The following TRAP1 variants were observed in gnomAD, a reference collection of about 807,000 sequenced individuals.
TRAP1 encodes heat shock protein 75 kDa, mitochondrial.
A neutral mutation model predicts 89.1 loss-of-function variants in TRAP1; 102 were observed. The observed-to-expected ratio is 1.15, with a 90% CI of 0.98 to 1.35. TRAP1 has a LOEUF of 1.35. Among genes scored for constraint, TRAP1 ranks in the 40% most tolerant of loss-of-function variants. TRAP1 has a pLI of 0.00. For missense variants in TRAP1, 1,256 were observed against 945.3 expected (o/e 1.33, Z -4.31); for synonymous variants, 508 against 388.0 (o/e 1.31, Z -3.64).
intron 9 of TRAP1, among the ~76,000 whole-genome samples, chr16:3,673,469 C>G (rs913967805): frequency 6.6e-6 from 1 of 152,248 alleles, no homozygotes; most frequent in Non-Finnish European, 1.5e-5. Flanking sequence ...ACCCACACCT[C>G]ATCACGGGAT....
intron 1 of TRAP1, among the ~76,000 whole-genome samples, chr16:3,709,250 A>G (rs2051494284): frequency 6.6e-6 from 1 of 151,936 alleles, no homozygotes; most frequent in African/African-American, 2.4e-5. Flanking sequence ...AAAAAAAAGA[A>G]AAAGGCCATT....
chr16:3,685,006 C>G (rs1275299135), intron 4 of TRAP1, among the ~76,000 whole-genome samples: 7 of 152,192 alleles, frequency 4.6e-5, no homozygotes, highest in African/African-American at 1.4e-4. Flanking sequence ...GAAGTACTGG[C>G]ACATGAGGAC....
chr16:3,713,513 C>A (rs2051559136), intron 1 of TRAP1, among the ~76,000 whole-genome samples: 1 of 152,220 alleles, frequency 6.6e-6, no homozygotes, highest in African/African-American at 2.4e-5. Context: ...CTCCAGCTTA[C>A]AGAGAACAAA....
intron 4 of TRAP1, among the ~76,000 whole-genome samples, chr16:3,684,508 T>C (rs1431559930): frequency 6.6e-6 from 1 of 152,114 alleles, no homozygotes; most frequent in African/African-American, 2.4e-5. Flanking sequence ...TTGTAATAAA[T>C]GGGCTGGGTA....
chr16:3,670,382 CAAAAAAAA>C (rs760902038), intron 11 of TRAP1, among the ~76,000 whole-genome samples: 37 of 22,842 alleles, frequency 1.6e-3, no homozygotes, highest in South Asian at 3.2e-3. Context: ...GACTCCGTCT[CAAAAAAAA>C]AAAAAAAAAA....
chr16:3,716,863 T>C (rs2051603947), intron 1 of TRAP1, among the ~76,000 whole-genome samples: 1 of 152,198 alleles, frequency 6.6e-6, no homozygotes, highest in Admixed American at 6.5e-5. Context: ...GGGACCCGGA[T>C]GACTGCTATA....
chr16:3,676,302 C>T, intron 6 of TRAP1, 157 bp from the exon 7 acceptor site: 1 of 473,518 alleles, frequency 2.1e-6, no homozygotes, highest in Non-Finnish European at 3.7e-6. Flanking sequence ...ACCACTCAGG[C>T]CATCACATGC....
intron 4 of TRAP1, among the ~76,000 whole-genome samples, chr16:3,680,861 G>C (rs1169858361): frequency 1.3e-5 from 2 of 152,182 alleles, no homozygotes; most frequent in Non-Finnish European, 2.9e-5. Flanking sequence ...TGAGTCAAAG[G>C]GCCCTCGCCA....
rs774787607 is a variant in TRAP1, at chr16:3,658,813, C to G, written c.1993G>C (p.Ala665Pro). The change falls in exon 17 of 18, where the codon GCT becomes CCT. Residue 665 changes from alanine (A) to proline (P), a missense_variant. Coordinates refer to ENST00000246957, the MANE Select transcript of TRAP1 (RefSeq NM_016292.3). ...CTCACCTGATCCACCAGCAGCTGAG[C>G]CAGGCCAGGCTCGCTTGCGCGCAGC... ...NQLRASEPGL[A>P]QLLVDQIYEN... 10 of 1,613,806 alleles carry G rather than the reference C, an allele frequency of 6.2e-6. No homozygotes were observed. In the Admixed American group the frequency reaches 1.7e-4, roughly 27 times the overall value.
chr16:3,661,881 A>T, intron 16 of TRAP1, 106 bp downstream of exon 16: 1 of 1,385,830 alleles, frequency 7.2e-7, no homozygotes, highest in South Asian at 1.5e-5. Context: ...ACATGTCCAC[A>T]GGCCTCACGC....
chr16:3,717,514 A>T lies in TRAP1; in HGVS notation c.-6T>A. 1.5e-6 allele frequency: 2 copies of T among 1,356,676 alleles called. No individual in the cohort carries two copies. The highest frequency in any genetic ancestry group is 1.9e-6 in the Non-Finnish European group (2 of 1,055,550). 84.0% of individuals were successfully genotyped at this position (1,356,676 alleles called of 1,614,324 possible). A position where few individuals can be genotyped will look rare whatever the true frequency, so the allele number is the denominator to read the frequency against. ...GCCCGCAGCTCGCGCGCCATGTCGT[A>T]CTCCCAGAGCGCCGCGCGCAGCCAC... On this transcript the variant is annotated 5_prime_UTR_variant, in exon 1 of 18. Transcript: ENST00000246957.
intron 1 of TRAP1, among the ~76,000 whole-genome samples, chr16:3,697,122 T>C (rs1434494173): frequency 6.6e-6 from 1 of 152,220 alleles, no homozygotes; most frequent in African/African-American, 2.4e-5. Flanking sequence ...CTAAAGTGCA[T>C]ATCATCCTAC....
intron 1 of TRAP1, among the ~76,000 whole-genome samples, chr16:3,697,276 C>T (rs998222972): frequency 2.6e-5 from 4 of 152,080 alleles, no homozygotes; most frequent in Non-Finnish European, 4.4e-5. Flanking sequence ...TTTCCTATTT[C>T]CTTTTTTGTT....
At chr16:3,679,559 GA>G in intron 5 of TRAP1, among the ~76,000 whole-genome samples, 159 bp downstream of exon 5, 1 of 152,238 alleles carries the variant, frequency 6.6e-6, no homozygotes, top group East Asian at 1.9e-4. Flanking sequence ...CCCAGATACT[GA>G]GGGATGGCTG....
Position 3,686,111 on chromosome 16 carries a change from T to C in TRAP1, c.356A>G (p.Asn119Ser), listed in dbSNP as rs748132479. The change falls in exon 4 of 18, where the codon AAT becomes AGT. Residue 119 changes from asparagine to serine, a missense_variant. Asn to Ser is a conservative substitution (Grantham distance 46, BLOSUM62 1). Coordinates refer to ENST00000246957, the MANE Select transcript of TRAP1 (RefSeq NM_016292.3). ...CAGTTTTTCCAAGGCATCGCTGGCA[T>C]TGGAGATCAGCTCCCGTATAAACAC... ...KEVFIRELIS[N>S]ASDALEKLRH... 61 of 1,614,134 alleles carry C rather than the reference T, an allele frequency of 3.8e-5. No individual in the cohort carries two copies. The South Asian group carries it at 3.8e-4, about 10-fold the overall frequency.
chr16:3,706,341 C>A (rs924867523), intron 1 of TRAP1, among the ~76,000 whole-genome samples: 4 of 151,884 alleles, frequency 2.6e-5, no homozygotes, highest in African/African-American at 9.7e-5. Context: ...TGTTTACAGG[C>A]ACTGTCATGG....
chr16:3,662,239 G>C (rs1388510096), intron 15 of TRAP1, 107 bp from the exon 16 acceptor site: 8 of 1,400,684 alleles, frequency 5.7e-6, no homozygotes, highest in Non-Finnish European at 7.7e-6. Flanking sequence ...TAGCAGGCGG[G>C]GTCTCAAGGA....
At chr16:3,661,965 A>G (rs529246593) in intron 16 of TRAP1, 22 bp downstream of exon 16, 193 of 1,576,218 alleles carry the variant, frequency 1.2e-4, no homozygotes, top group Non-Finnish European at 1.5e-4. Flanking sequence ...ACAGGCTGGA[A>G]GAGCCAGGAG....
At chr16:3,691,357 C>G (rs2051211927) in intron 1 of TRAP1, among the ~76,000 whole-genome samples, 1 of 152,202 alleles carries the variant, frequency 6.6e-6, no homozygotes, top group Admixed American at 6.5e-5. Context: ...GCTGGGACCA[C>G]AGGCACAGAC....
Sources: allele counts gnomAD v4.1 joint callset (sites outside exome capture counted in the v4.1 genomes callset), GRCh38; gene constraint gnomAD v4.1.1; transcripts MANE v1.5; gene names NCBI Gene and HGNC (gene_info 2026-07-23, HGNC 2026-07-21).